OTUD7A: variants seen among roughly 807,000 people sequenced by gnomAD.
The protein encoded by OTUD7A is OTU domain-containing protein 7A.
OTUD7A carries 12 observed loss-of-function variants against 65.7 expected under a neutral mutation model. The ratio of observed to expected loss-of-function variants is 0.18; its 90% CI spans 0.12 to 0.30. OTUD7A has a LOEUF of 0.30. Among genes scored for constraint, OTUD7A ranks in the 10% least tolerant of loss-of-function variants. The pLI is 1.00. For synonymous variants in OTUD7A, 641 were observed against 586.3 expected, an observed-to-expected ratio of 1.09 and a Z score of -1.35; for missense variants, 1,148 against 1,304.8, an observed-to-expected ratio of 0.88 and a Z score of 1.85.
At chr15:31,488,900 C>G (rs1193416961) in intron 10 of OTUD7A, among the ~76,000 whole-genome samples, 1 of 152,238 alleles carries the variant, frequency 6.6e-6, no homozygotes, top group Non-Finnish European at 1.5e-5. Context: ...CCGGGCTTTT[C>G]ATTAATCTGG....
chr15:31,763,768 A>T (rs1567010593), intron 1 of OTUD7A, among the ~76,000 whole-genome samples: 1 of 152,190 alleles, frequency 6.6e-6, no homozygotes, highest in Non-Finnish European at 1.5e-5. Context: ...CAAAGACAAG[A>T]TTTTTGACAA....
rs2041690151 is a variant in OTUD7A, at chr15:31,510,893, CTATATGTAACATAT to C, written c.894-7089_894-7076del. ...ATCTATATGTAACATATATGTATAT[CTATATGTAACATAT>C]ATGTATATCTATATGTAACATATAT... On this transcript the variant is annotated intron_variant, in intron 8 of 12. Transcript: ENST00000307050. Among the ~76,000 whole-genome samples the C allele has an allele frequency of 5.4e-5, 2 of 36,936 alleles. 1 individual carries two copies. The allele number at this position is 36,936 out of a possible 152,430, so 24.2% of individuals were successfully genotyped here.
chr15:31,735,308 C>CGGG (rs1894157576), intron 1 of OTUD7A, among the ~76,000 whole-genome samples: 1 of 152,034 alleles, frequency 6.6e-6, no homozygotes, highest in Admixed American at 6.6e-5. Context: ...GGTGGATCAC[C>CGGG]TGAGGTCAGG....
At position 31,487,462 on chromosome 15, in the gene OTUD7A, G is replaced by A. The variant is rs770581311; in HGVS notation, c.1276C>T (p.Arg426Trp). The A allele has an allele frequency of 6.8e-6, 11 of 1,613,780 alleles. No homozygotes were observed. Among genetic ancestry groups the A allele is most frequent in the East Asian group, 2.2e-5 (1 of 44,882 alleles). The part of the protein sequence containing the change: ...EWGKDDNDNA[R>W]LAHLILSLEA... ...AGAGTAGGATCTTACTGGGCCAGCC[G>A]GGCGTTATCGTTGTCGTCTTTCCCC... Residue 426 changes from arginine (R) to tryptophan (W), a missense_variant, in exon 11 of 13, where the codon CGG becomes TGG. Transcript: ENST00000307050. The surrounding 1 kb of genome is among the most constrained non-coding windows in gnomAD (Gnocchi z 6.0).
At chr15:31,491,239 T>G (rs914292494) in intron 10 of OTUD7A, among the ~76,000 whole-genome samples, 27 of 152,244 alleles carry the variant, frequency 1.8e-4, no homozygotes, top group African/African-American at 6.0e-4. Flanking sequence ...AATAACTGAT[T>G]AATAAGTTAA....
chr15:31,614,815 G>T lies in OTUD7A; in HGVS notation c.151+40281C>A, dbSNP rs199507713. ...CTATAGAAAATAACGTTGCCCTACGGAATTTGAAAGAGAATCAAATTATGG... is the reference window on the plus strand; with the variant it reads ...CTATAGAAAATAACGTTGCCCTACGTAATTTGAAAGAGAATCAAATTATGG... On this transcript the variant is annotated intron_variant, in intron 3 of 12. Transcript: ENST00000307050. Among the ~76,000 whole-genome samples the T allele has an allele frequency of 8.5e-5, 13 of 152,090 alleles. No homozygotes were observed. In the East Asian group the frequency reaches 2.5e-3, roughly 29 times the overall value.
intron 3 of OTUD7A, among the ~76,000 whole-genome samples, chr15:31,639,264 T>C (rs1192660070): frequency 2.0e-5 from 3 of 152,098 alleles, no homozygotes; most frequent in African/African-American, 7.3e-5. Flanking sequence ...GCACAATATG[T>C]AGTTTTTTTT....
intron 3 of OTUD7A, among the ~76,000 whole-genome samples, chr15:31,630,407 T>A (rs577379519): frequency 2.2e-4 from 34 of 152,284 alleles, no homozygotes; most frequent in Non-Finnish European, 3.5e-4. Context: ...TGGTTTTCAG[T>A]GAGTTTCTTA....
chr15:31,797,701 T>C (rs1029216545), intron 1 of OTUD7A, among the ~76,000 whole-genome samples: 1 of 152,226 alleles, frequency 6.6e-6, no homozygotes, highest in African/African-American at 2.4e-5. Flanking sequence ...CCTGGACGCA[T>C]GCTTACAGAA....
intron 3 of OTUD7A, among the ~76,000 whole-genome samples, chr15:31,638,861 G>GCGGT (rs1298580432): frequency 6.6e-6 from 1 of 152,120 alleles, no homozygotes; most frequent in Non-Finnish European, 1.5e-5. Flanking sequence ...CAGGCCAGGT[G>GCGGT]CGGTCGCTCA....
intron 1 of OTUD7A, among the ~76,000 whole-genome samples, chr15:31,860,699 ATG>A (rs1897715065): frequency 5.4e-5 from 7 of 128,848 alleles, no homozygotes; most frequent in African/African-American, 1.1e-4. Context: ...ATATATATAT[ATG>A]TATGTATATA....
intron 3 of OTUD7A, among the ~76,000 whole-genome samples, chr15:31,584,765 T>C (rs1045515739): frequency 5.9e-5 from 9 of 152,064 alleles, no homozygotes; most frequent in African/African-American, 2.2e-4. Context: ...ATAGATGCAG[T>C]GGAAAAGGGT....
chr15:31,536,951 T>C (rs1351183957), intron 5 of OTUD7A, among the ~76,000 whole-genome samples: 1 of 152,202 alleles, frequency 6.6e-6, no homozygotes, highest in Non-Finnish European at 1.5e-5. Flanking sequence ...TTAACAAAAA[T>C]GTATTGTACT....
At chr15:31,866,432 T>C (rs1167652768) in intron 1 of OTUD7A, among the ~76,000 whole-genome samples, 4 of 152,200 alleles carry the variant, frequency 2.6e-5, no homozygotes, top group African/African-American at 7.2e-5. Context: ...CTTCTCTCCA[T>C]TTCAGCTTTT....
chr15:31,860,699 A>G (rs867721547), intron 1 of OTUD7A, among the ~76,000 whole-genome samples: 7 of 128,854 alleles, frequency 5.4e-5, no homozygotes, highest in South Asian at 2.5e-4. Flanking sequence ...ATATATATAT[A>G]TGTATGTATA....
At chr15:31,541,782 T>C (rs895535203) in intron 5 of OTUD7A, among the ~76,000 whole-genome samples, 27 of 152,248 alleles carry the variant, frequency 1.8e-4, no homozygotes, top group African/African-American at 6.3e-4. Flanking sequence ...ATGTGGGGAA[T>C]TGGGACTGGG....
intron 8 of OTUD7A, among the ~76,000 whole-genome samples, chr15:31,511,757 A>C (rs536798344): frequency 4.0e-5 from 6 of 150,070 alleles, no homozygotes; most frequent in Non-Finnish European, 8.9e-5. Flanking sequence ...GTATATCTAT[A>C]TGTAACATAC....
rs1595711231 is a variant in OTUD7A, at chr15:31,692,663, C to T, written c.-99-35586G>A. On this transcript the variant is annotated intron_variant, in intron 1 of 12. Transcript: ENST00000307050. ...AATTATAGTTAACAATAAACTACTT[C>T]CTGGGTCCCTTTCTTTGTTCACATT... Among the ~76,000 whole-genome samples the T allele has an allele frequency of 4.3e-5, 6 of 140,322 alleles. No homozygotes were observed. The South Asian group carries it at 1.6e-3, about 37-fold the overall frequency. 92.1% of individuals were successfully genotyped at this position (140,322 alleles called of 152,430 possible). A position where few individuals can be genotyped will look rare whatever the true frequency, so the allele number is the denominator to read the frequency against.
chr15:31,683,830 T>A (rs946150384), intron 1 of OTUD7A, among the ~76,000 whole-genome samples: 2 of 152,078 alleles, frequency 1.3e-5, no homozygotes, highest in African/African-American at 4.8e-5. Flanking sequence ...AACATATAAT[T>A]TTTAAAAGGT....
Sources: allele counts gnomAD v4.1 joint callset (sites outside exome capture counted in the v4.1 genomes callset), GRCh38; gene constraint gnomAD v4.1.1; non-coding constraint Gnocchi (gnomAD v3.1); transcripts MANE v1.5; gene names NCBI Gene and HGNC (gene_info 2026-07-23, HGNC 2026-07-21).